The following TMEM87A variants were observed in gnomAD, a reference collection of about 807,000 sequenced individuals.
TMEM87A encodes transmembrane protein 87A, also known as Golgi-pH regulating cation channel.
Under a neutral mutation model 90.0 loss-of-function variants are expected in TMEM87A, and 50 were observed. The ratio of observed to expected loss-of-function variants is 0.56; its 90% CI spans 0.44 to 0.70. The LOEUF (loss-of-function observed/expected upper bound fraction) is 0.70. Among genes scored for constraint, TMEM87A ranks in the 30% least tolerant of loss-of-function variants. The pLI is 0.00. For synonymous variants in TMEM87A, 226 were observed against 226.7 expected, an observed-to-expected ratio of 1.00 and a Z score of 0.03; for missense variants, 577 against 660.5, an observed-to-expected ratio of 0.87 and a Z score of 1.39.
chr15:42,251,652 G>A (rs936423575), intron 6 of TMEM87A, among the ~76,000 whole-genome samples: 1 of 152,190 alleles, frequency 6.6e-6, no homozygotes, highest in African/African-American at 2.4e-5. Flanking sequence ...TGTATGAAGT[G>A]TCAGTTGGCC....
At chr15:42,272,412 T>C (rs1463377273) in intron 1 of TMEM87A, among the ~76,000 whole-genome samples, 1 of 152,218 alleles carries the variant, frequency 6.6e-6, no homozygotes, top group African/African-American at 2.4e-5. Flanking sequence ...CCTGAAAATC[T>C]TCACCACTGA....
intron 2 of TMEM87A, among the ~76,000 whole-genome samples, chr15:42,270,466 C>T (rs943471479): frequency 6.6e-6 from 1 of 152,002 alleles, no homozygotes. Context: ...CATAGAGACT[C>T]ATGCCTGTAA....
In TMEM87A at chr15:42,240,179, C is replaced by G. The variant is rs568214460; in HGVS notation, c.623-448G>C. On this transcript the variant is annotated intron_variant, in intron 7 of 19. Coordinates refer to ENST00000389834, the MANE Select transcript of TMEM87A (RefSeq NM_015497.5). ...TATTGCCATCTTCTTTGTTTTCTAT[C>G]TTTCCTCACCTGTATTTTCCTATTG... Among the ~76,000 whole-genome samples, 7 of 152,278 alleles carry G rather than the reference C, an allele frequency of 4.6e-5. No homozygotes were observed. The South Asian group carries it at 6.2e-4, about 14-fold the overall frequency.
At chr15:42,256,956 G>A (rs996371900) in intron 6 of TMEM87A, among the ~76,000 whole-genome samples, 3 of 152,126 alleles carry the variant, frequency 2.0e-5, no homozygotes, top group African/African-American at 7.2e-5. Flanking sequence ...AAGCTCTAGC[G>A]ATCTGCCTGC....
chr15:42,226,311 ATTTT>A (rs558657588), intron 15 of TMEM87A, among the ~76,000 whole-genome samples: 1 of 137,138 alleles, frequency 7.3e-6, no homozygotes, highest in East Asian at 2.2e-4. Context: ...CTGTGTCGGT[ATTTT>A]TTTTTTTTTT....
At chr15:42,247,872 T>G (rs966384917) in intron 6 of TMEM87A, among the ~76,000 whole-genome samples, 6 of 152,196 alleles carry the variant, frequency 3.9e-5, no homozygotes, top group African/African-American at 1.4e-4. Context: ...TAAATTACCT[T>G]GGGCAGTATG....
chr15:42,228,656 A>C (rs2050637234), intron 13 of TMEM87A, 56 bp downstream of exon 13: 1 of 1,470,296 alleles, frequency 6.8e-7, no homozygotes, highest in Non-Finnish European at 9.5e-7. Flanking sequence ...TCAGGTTAAG[A>C]ATGTCCATTC....
In TMEM87A at chr15:42,268,050, T is replaced by G. The variant is rs1161615031; in HGVS notation, c.206-18A>C. The G allele has an allele frequency of 3.1e-6, 5 of 1,602,380 alleles. No homozygotes were observed. The highest frequency in any genetic ancestry group is 4.3e-6 in the Non-Finnish European group (5 of 1,171,242). ...TCCATCAACTACAAAAGAAGAAATC[T>G]TTGTTAACAAAAGATAATTCCCCAA... On this transcript the variant is annotated intron_variant, in intron 2 of 19. Transcript: ENST00000389834.
chr15:42,217,685 A>T, intron 19 of TMEM87A, 118 bp downstream of exon 19: 2 of 891,222 alleles, frequency 2.2e-6, no homozygotes, highest in Admixed American at 5.2e-5. Flanking sequence ...CAACTATATA[A>T]ACTATAGTTT....
chr15:42,227,209 T>C (rs1379435588), intron 14 of TMEM87A, among the ~76,000 whole-genome samples: 1 of 152,200 alleles, frequency 6.6e-6, no homozygotes, highest in Non-Finnish European at 1.5e-5. Context: ...AAGAGAAAGT[T>C]ACCTTATACA....
chr15:42,231,309 A>T (rs1311538723), intron 11 of TMEM87A, 49 bp from the exon 12 acceptor site: 2 of 1,467,220 alleles, frequency 1.4e-6, no homozygotes, highest in Non-Finnish European at 1.8e-6. Context: ...CTAGAGAGGC[A>T]CAGAGAAGAA....
intron 6 of TMEM87A, among the ~76,000 whole-genome samples, 153 bp downstream of exon 6, chr15:42,260,805 G>T (rs2051272631): frequency 6.6e-6 from 1 of 152,154 alleles, no homozygotes; most frequent in African/African-American, 2.4e-5. Context: ...CTATCATCCA[G>T]AGATCCAACC....
chr15:42,255,012 T>G (rs1288261316), intron 6 of TMEM87A, among the ~76,000 whole-genome samples: 2 of 150,002 alleles, frequency 1.3e-5, no homozygotes, highest in African/African-American at 4.9e-5. Flanking sequence ...TTGCTTAGAC[T>G]GGAGTACAGT....
At chr15:42,269,789 AG>A in intron 2 of TMEM87A, among the ~76,000 whole-genome samples, 2 of 147,232 alleles carry the variant, frequency 1.4e-5, no homozygotes. Context: ...ACAAAAAATT[AG>A]CCGGGCGCGG....
intron 12 of TMEM87A, among the ~76,000 whole-genome samples, chr15:42,230,854 C>T (rs1290543534): frequency 6.6e-6 from 1 of 152,136 alleles, no homozygotes; most frequent in Non-Finnish European, 1.5e-5. Flanking sequence ...CAGAGCAGGA[C>T]CAGCACAGCC....
intron 4 of TMEM87A, among the ~76,000 whole-genome samples, chr15:42,263,654 G>A (rs1353275055): frequency 6.6e-6 from 1 of 152,130 alleles, no homozygotes; most frequent in African/African-American, 2.4e-5. Context: ...AGGCTGAGGT[G>A]AAAGAATTGC....
intron 17 of TMEM87A, 74 bp downstream of exon 17, chr15:42,219,507 T>G (rs2050436304): frequency 8.1e-7 from 1 of 1,239,614 alleles, no homozygotes; most frequent in African/African-American, 1.6e-5. Context: ...TTTCCTCCTG[T>G]TTTCTTCTAG....
intron 5 of TMEM87A, 83 bp from the exon 6 acceptor site, chr15:42,261,085 C>G (rs563943476): frequency 2.8e-5 from 43 of 1,519,246 alleles, no homozygotes; most frequent in Non-Finnish European, 3.8e-5. Flanking sequence ...ACTGGGGAAG[C>G]CTGCTCCCCA....
rs962230476 is a variant in TMEM87A at position 42,233,390 on chromosome 15, T to C, written c.969-84A>G. 89 of 979,938 alleles carry C rather than the reference T, an allele frequency of 9.1e-5. No individual in the cohort carries two copies. In the African/African-American group the frequency reaches 1.1e-3, roughly 12 times the overall value. 60.7% of individuals were successfully genotyped at this position (979,938 alleles called of 1,614,324 possible). A position where few individuals can be genotyped will look rare whatever the true frequency, so the allele number is the denominator to read the frequency against. ...AGTAACAGGAACTTGTGTTAATTAA[T>C]ATAGGCCAACAATTTAAAGCAATAA... is the stretch of plus-strand genomic sequence containing the variant. On this transcript the variant is annotated intron_variant, in intron 10 of 19. Coordinates refer to ENST00000389834, the MANE Select transcript of TMEM87A (RefSeq NM_015497.5).
Sources: gnomAD v4.1 joint callset for allele counts (sites outside exome capture counted in the v4.1 genomes callset) on GRCh38, gnomAD v4.1.1 for gene constraint, MANE v1.5 for transcripts, NCBI Gene and HGNC (gene_info 2026-07-23, HGNC 2026-07-21) for gene names.